RORB: variants seen among roughly 807,000 people sequenced by gnomAD.
The protein encoded by RORB is nuclear receptor ROR-beta.
A neutral mutation model predicts 59.1 loss-of-function variants in RORB; 6 were observed. The ratio of observed to expected loss-of-function variants is 0.10; its 90% CI spans 0.06 to 0.20. The LOEUF (loss-of-function observed/expected upper bound fraction) is 0.20, where lower values mean the gene tolerates loss of function less well. RORB is among the 10% of genes least tolerant of loss of function. RORB has a pLI of 1.00. For missense variants in RORB, 320 were observed against 560.5 expected, an observed-to-expected ratio of 0.57 and a Z score of 4.33; for synonymous variants, 215 against 204.5, an observed-to-expected ratio of 1.05 and a Z score of -0.44.
At chr9:74,671,922 G>T (rs773282295) in intron 9 of RORB, 21 bp downstream of exon 9, 7 of 1,384,106 alleles carry the variant, frequency 5.1e-6, no homozygotes, top group Non-Finnish European at 7.1e-6. Context: ...AGATCACAGA[G>T]CCACCACCAC....
intron 1 of RORB, among the ~76,000 whole-genome samples, chr9:74,509,069 C>G (rs1432771228): frequency 6.6e-6 from 1 of 152,010 alleles, no homozygotes; most frequent in African/African-American, 2.4e-5. Flanking sequence ...ACAACTCTCA[C>G]CAGTGTTTTG....
chr9:74,584,688 G>A (rs1372730184), intron 1 of RORB, among the ~76,000 whole-genome samples: 1 of 152,134 alleles, frequency 6.6e-6, no homozygotes. Context: ...CACCCAGCAA[G>A]ACTTTAGTTT....
intron 1 of RORB, among the ~76,000 whole-genome samples, chr9:74,562,728 G>C (rs1259803606): frequency 6.6e-6 from 1 of 152,198 alleles, no homozygotes; most frequent in Non-Finnish European, 1.5e-5. Context: ...GCAAGAATGA[G>C]AGCACACAAC....
chr9:74,600,752 A>G (rs1055071244), intron 1 of RORB, among the ~76,000 whole-genome samples: 2 of 152,248 alleles, frequency 1.3e-5, no homozygotes, highest in Admixed American at 6.5e-5. Context: ...TTATCAGTAC[A>G]TCTTCTACAT....
intron 1 of RORB, among the ~76,000 whole-genome samples, chr9:74,566,227 A>C (rs1318209985): frequency 6.6e-6 from 1 of 152,116 alleles, no homozygotes; most frequent in African/African-American, 2.4e-5. Flanking sequence ...CCTTTCATCA[A>C]AAGCTTTTAC....
chr9:74,568,538 A>G (rs1371419849), intron 1 of RORB, among the ~76,000 whole-genome samples: 2 of 151,950 alleles, frequency 1.3e-5, no homozygotes, highest in East Asian at 3.9e-4. Flanking sequence ...CGTCTCTACT[A>G]AAAATACAAA....
At chr9:74,607,435 T>C (rs1823165062) in intron 1 of RORB, among the ~76,000 whole-genome samples, 2 of 152,158 alleles carry the variant, frequency 1.3e-5, no homozygotes, top group East Asian at 1.9e-4. Flanking sequence ...GAAAGCTATG[T>C]TGGGGGACTA....
chr9:74,539,706 G>T (rs1240255918), intron 1 of RORB, among the ~76,000 whole-genome samples: 2 of 152,054 alleles, frequency 1.3e-5, no homozygotes, highest in East Asian at 3.9e-4. Flanking sequence ...AGCTGGATAA[G>T]GGAATAAAGA....
At chr9:74,523,762 T>C (rs1003900165) in intron 1 of RORB, among the ~76,000 whole-genome samples, 1 of 151,932 alleles carries the variant, frequency 6.6e-6, no homozygotes, top group Non-Finnish European at 1.5e-5. Context: ...ACTTGATTCT[T>C]TTAATAAGGA....
chr9:74,535,077 GC>G (rs1251773108), intron 1 of RORB, among the ~76,000 whole-genome samples: 1 of 152,084 alleles, frequency 6.6e-6, no homozygotes, highest in Non-Finnish European at 1.5e-5. Flanking sequence ...GCAATTTGGA[GC>G]CCTGGAGAAC....
At chr9:74,666,703 G>A (rs948760570) in intron 7 of RORB, among the ~76,000 whole-genome samples, 2 of 152,152 alleles carry the variant, frequency 1.3e-5, no homozygotes, top group Admixed American at 6.5e-5. Context: ...ACCCACAGAA[G>A]TTAATTCACA....
intron 1 of RORB, among the ~76,000 whole-genome samples, chr9:74,585,649 A>G (rs1479594237): frequency 6.6e-6 from 1 of 152,148 alleles, no homozygotes; most frequent in African/African-American, 2.4e-5. Flanking sequence ...TATACCGTCA[A>G]CTAGTCCCTT....
intron 4 of RORB, among the ~76,000 whole-genome samples, chr9:74,646,586 G>A (rs1045489354): frequency 6.6e-6 from 1 of 152,118 alleles, no homozygotes; most frequent in African/African-American, 2.4e-5. Flanking sequence ...AGTTCCTTCA[G>A]GTGAGCAGTG....
intron 3 of RORB, among the ~76,000 whole-genome samples, chr9:74,637,988 A>T (rs1367359718): frequency 1.3e-5 from 2 of 152,168 alleles, no homozygotes; most frequent in Admixed American, 1.3e-4. Flanking sequence ...TTTTAAAATA[A>T]TGAATAGGCT....
chr9:74,662,697 T>A (rs1366877528), intron 6 of RORB, 91 bp downstream of exon 6: 6 of 1,369,444 alleles, frequency 4.4e-6, no homozygotes, highest in African/African-American at 1.4e-5. Flanking sequence ...CTCCTTCCGA[T>A]ATGCAGCTCG....
intron 9 of RORB, among the ~76,000 whole-genome samples, chr9:74,675,657 A>G (rs547971017): frequency 1.3e-5 from 2 of 152,220 alleles, no homozygotes; most frequent in African/African-American, 2.4e-5. Context: ...ATGGTCATTT[A>G]GTTGAGGACG....
intron 1 of RORB, among the ~76,000 whole-genome samples, chr9:74,503,549 AAG>A (rs1825830036): frequency 6.6e-6 from 1 of 152,190 alleles, no homozygotes; most frequent in African/African-American, 2.4e-5. Context: ...TCGCATAAAA[AAG>A]AAACTGTTAA....
At chr9:74,556,212 G>A (rs904685076) in intron 1 of RORB, among the ~76,000 whole-genome samples, 2 of 152,164 alleles carry the variant, frequency 1.3e-5, no homozygotes, top group Non-Finnish European at 2.9e-5. Flanking sequence ...CTATTTGTGG[G>A]AAGACGGAAG....
rs151257019 is a variant in RORB, at chr9:74,654,192, T to C, written c.638-6425T>C. Among the ~76,000 whole-genome samples the C allele has an allele frequency of 4.6e-4, 70 of 152,352 alleles. No individual in the cohort carries two copies. The East Asian group carries it at 6.9e-3, about 15-fold the overall frequency. The stretch of plus-strand genomic sequence containing the variant: ...CCTTTTAAAACTCTATTTACTTGTA[T>C]AAACCTTATCACGCACATCTCAATC... On this transcript the variant is annotated intron_variant, in intron 4 of 9. Coordinates refer to ENST00000376896, the MANE Select transcript of RORB (RefSeq NM_006914.4).
Sources: allele counts gnomAD v4.1 joint callset (sites outside exome capture counted in the v4.1 genomes callset), GRCh38; gene constraint gnomAD v4.1.1; transcripts MANE v1.5; gene names NCBI Gene and HGNC (gene_info 2026-07-23, HGNC 2026-07-21).